The following AHCTF1 variants were observed in gnomAD, a reference collection of about 807,000 sequenced individuals.
AHCTF1 encodes protein ELYS.
A neutral mutation model predicts 248.4 loss-of-function variants in AHCTF1; 24 were observed. The ratio of observed to expected loss-of-function variants is 0.10; its 90% CI spans 0.07 to 0.14. The LOEUF is 0.14. Ranked by LOEUF, AHCTF1 falls within the 10% of genes least tolerant of loss-of-function variation. AHCTF1 has a pLI of 1.00. For synonymous variants in AHCTF1, 786 were observed against 929.8 expected (o/e 0.85, Z 2.81); for missense variants, 2,206 against 2,636.2 (o/e 0.84, Z 3.57).
chr1:246,855,613 A>C, intron 31 of AHCTF1, 117 bp downstream of exon 31: 1 of 748,146 alleles, frequency 1.3e-6, no homozygotes. Flanking sequence ...AGAGAGAGGA[A>C]TAACTGAGGA....
intron 1 of AHCTF1, among the ~76,000 whole-genome samples, chr1:246,923,187 G>A (rs1666697765): frequency 6.6e-6 from 1 of 151,050 alleles, no homozygotes; most frequent in Non-Finnish European, 1.5e-5. Flanking sequence ...GGCCGAGGTG[G>A]GCAGATCACC....
At chr1:246,915,353 C>T (rs550358275) in intron 3 of AHCTF1, among the ~76,000 whole-genome samples, 3 of 151,980 alleles carry the variant, frequency 2.0e-5, no homozygotes, top group South Asian at 2.1e-4. Context: ...ATTACTTCAC[C>T]GTTGATTTCA....
At chr1:246,894,602 C>T in intron 14 of AHCTF1, 57 bp downstream of exon 14, 1 of 1,357,254 alleles carries the variant, frequency 7.4e-7, no homozygotes, top group South Asian at 1.2e-5. Flanking sequence ...AAGACATAAA[C>T]CAAGGTTAGT....
intron 1 of AHCTF1, among the ~76,000 whole-genome samples, chr1:246,927,978 G>A (rs10924868): frequency 0.21 from 31,646 of 151,748 alleles, 3,529 homozygotes; most frequent in East Asian, 0.31. Flanking sequence ...CCAGCCTGGC[G>A]ACAGAGCAAG....
chr1:246,910,292 G>C (rs764058879), intron 4 of AHCTF1, among the ~76,000 whole-genome samples: 2 of 152,216 alleles, frequency 1.3e-5, no homozygotes, highest in Non-Finnish European at 2.9e-5. Context: ...AAGGAGACTT[G>C]AGACTTAACT....
At chr1:246,901,772 C>T (rs1041693247) in intron 8 of AHCTF1, among the ~76,000 whole-genome samples, 23 of 152,116 alleles carry the variant, frequency 1.5e-4, no homozygotes, top group African/African-American at 5.6e-4. Context: ...CAGCCAAGAT[C>T]ATGCCACCAC....
Position 246,849,884 on chromosome 1 carries a change from A to C in AHCTF1, c.6122T>G (p.Val2041Gly), listed in dbSNP as rs753642595. 3 of 1,613,904 alleles carry C rather than the reference A, an allele frequency of 1.9e-6. No individual in the cohort carries two copies. The highest frequency in any genetic ancestry group is 2.5e-6 in the Non-Finnish European group (3 of 1,179,856). The change falls in exon 33 of 36, where the codon GTG becomes GGG. Residue 2041 changes from valine to glycine, a missense_variant. Physicochemically the swap from Val to Gly is moderately radical, Grantham distance 109. This residue lies in a region of AHCTF1 where 469 missense variants were observed against 470.0 expected (regional missense o/e 1.00). Transcript: ENST00000648844. ...TGTAAGTTTTTTCTTAGAGCTCATC[A>C]CCATCGAAAGTTCCTCGTTTGGCAC... ...ILVPNEELSM[V>G]MSSKKKLTKK...
intron 7 of AHCTF1, among the ~76,000 whole-genome samples, chr1:246,902,900 TATTTAAC>T (rs1000234055): frequency 6.6e-6 from 1 of 152,212 alleles, no homozygotes; most frequent in African/African-American, 2.4e-5. Context: ...CTTCTAAAGT[TATTTAAC>T]ACAGAAGCCC....
intron 29 of AHCTF1, 56 bp downstream of exon 29, chr1:246,860,843 A>T: frequency 6.4e-7 from 1 of 1,557,990 alleles, no homozygotes; most frequent in East Asian, 2.3e-5. Flanking sequence ...ATTCTATTAT[A>T]AACTTTATTG....
In AHCTF1 at chr1:246,900,485, A is replaced by C. The variant is rs369839183; in HGVS notation, c.1118-16T>G. The C allele has an allele frequency of 5.7e-6, 9 of 1,580,050 alleles. No homozygotes were observed. In the African/African-American group the frequency reaches 1.2e-4, roughly 22 times the overall value. On this transcript the variant is annotated splice_polypyrimidine_tract_variant and intron_variant, in intron 8 of 35. Transcript: ENST00000648844. ...GGCGATAGAGCTGGAAGAAAAAGATAATTTTTAAAAACAGAATAAAGAATC... is the reference window on the plus strand; with the variant it reads ...GGCGATAGAGCTGGAAGAAAAAGATCATTTTTAAAAACAGAATAAAGAATC...
intron 3 of AHCTF1, 105 bp from the exon 4 acceptor site, chr1:246,913,517 G>A: frequency 1.8e-6 from 2 of 1,099,038 alleles, no homozygotes; most frequent in Non-Finnish European, 2.5e-6. Flanking sequence ...ATAGATTTAA[G>A]ACTATAGAGT....
In AHCTF1 at chr1:246,890,979, G is replaced by A; in HGVS notation, c.2027C>T (p.Ser676Phe). Reference sequence around the variant, plus strand: ...ACCTATGCCTTCTGGTAAAAGCCCAGAATGAGAGAACCAAAGAACCACTTG... The same window carrying A: ...ACCTATGCCTTCTGGTAAAAGCCCAAAATGAGAGAACCAAAGAACCACTTG... ...YAQVVLWFSHSGLLPEGIDDS... is the reference protein window; with the variant it reads ...YAQVVLWFSHFGLLPEGIDDS... Residue 676 changes from serine (S) to phenylalanine (F), a missense_variant, in exon 16 of 36, where the codon TCT becomes TTT. By Grantham distance (155) the Ser-to-Phe change is radical. This residue lies in a region of AHCTF1 where 650 missense variants were observed against 870.8 expected (regional missense o/e 0.75). Coordinates refer to ENST00000648844, the MANE Select transcript of AHCTF1 (RefSeq NM_001323342.2). 1 of 1,544,210 alleles carries A rather than the reference G, an allele frequency of 6.5e-7. No homozygotes were observed. The highest frequency in any genetic ancestry group is 8.7e-7 in the Non-Finnish European group (1 of 1,152,320).
chr1:246,888,132 A>T lies in AHCTF1; in HGVS notation c.2325+45T>A, dbSNP rs781481823. 32 of 1,584,776 alleles carry T rather than the reference A, an allele frequency of 2.0e-5. No homozygotes were observed. The Middle Eastern group carries it at 5.1e-4, about 25-fold the overall frequency. On this transcript the variant is annotated intron_variant, in intron 19 of 35. Transcript: ENST00000648844. ...GTTTCCACTACTCTTGAAATTTTAT[A>T]ATTTTAGTAATACATGAAACACTGG...
intron 24 of AHCTF1, among the ~76,000 whole-genome samples, chr1:246,869,538 T>C (rs140260985): frequency 4.3e-4 from 66 of 152,302 alleles, no homozygotes; most frequent in African/African-American, 1.5e-3. Context: ...GTGGTTAATG[T>C]AGCTGATGAC....
intron 24 of AHCTF1, 93 bp downstream of exon 24, chr1:246,875,944 A>T (rs1341785753): frequency 4.8e-6 from 6 of 1,255,036 alleles, no homozygotes; most frequent in Non-Finnish European, 4.4e-6. Context: ...TGTGTTAGCG[A>T]AAGTAGCTAA....
rs1203497137 is a variant in AHCTF1 at position 246,839,671 on chromosome 1, TA to T, written c.*1134del. 1 of 603,698 alleles carries T rather than the reference TA, an allele frequency of 1.7e-6. No homozygotes were observed. Among genetic ancestry groups the T allele is most frequent in the African/African-American group, 2.0e-5 (1 of 49,658 alleles). 37.4% of individuals were successfully genotyped at this position (603,698 alleles called of 1,614,324 possible). A position where few individuals can be genotyped will look rare whatever the true frequency, so the allele number is the denominator to read the frequency against. ...CTGCATATGCTTCACATTAAAATAT[TA>T]AAAGCCCACGAAAGCAGTTCGTTTC... On this transcript the variant is annotated 3_prime_UTR_variant, in exon 36 of 36. Transcript: ENST00000648844.
chr1:246,921,953 C>T (rs753384522), intron 1 of AHCTF1, among the ~76,000 whole-genome samples: 2 of 152,212 alleles, frequency 1.3e-5, no homozygotes, highest in African/African-American at 2.4e-5. Context: ...ACTGACTACA[C>T]AACAATAATA....
chr1:246,877,314 A>T lies in AHCTF1; in HGVS notation c.2661-12T>A, dbSNP rs755159572. 41 of 1,550,428 alleles carry T rather than the reference A, an allele frequency of 2.6e-5. No homozygotes were observed. The highest frequency in any genetic ancestry group is 3.4e-5 in the Non-Finnish European group (39 of 1,152,662). ...CTTCAACCATACACCTGAAAGCAGT[A>T]TTTATCAAAGTTTAGTTTTAGAAAA... On this transcript the variant is annotated splice_polypyrimidine_tract_variant and intron_variant, in intron 21 of 35. Coordinates refer to ENST00000648844, the MANE Select transcript of AHCTF1 (RefSeq NM_001323342.2).
chr1:246,861,382 ACTTT>A lies in AHCTF1; in HGVS notation c.3736-91_3736-88del, dbSNP rs1661539597. ...AGCTACCCATCCCAATCATACCCATACTTTCTTTGTTGTTTTTACCCAAATTCTC... is the reference window on the plus strand; with the variant it reads ...AGCTACCCATCCCAATCATACCCATACTTTGTTGTTTTTACCCAAATTCTC... On this transcript the variant is annotated intron_variant, in intron 28 of 35. Coordinates refer to ENST00000648844, the MANE Select transcript of AHCTF1 (RefSeq NM_001323342.2). 5.8e-6 allele frequency: 7 copies of A among 1,214,918 alleles called. No homozygotes were observed. The East Asian group carries it at 7.7e-5, about 13-fold the overall frequency. 75.3% of individuals were successfully genotyped at this position (1,214,918 alleles called of 1,614,324 possible). A position where few individuals can be genotyped will look rare whatever the true frequency, so the allele number is the denominator to read the frequency against.
Sources: gnomAD v4.1 joint callset for allele counts (sites outside exome capture counted in the v4.1 genomes callset) on GRCh38, gnomAD v4.1.1 for gene constraint, gnomAD v4.1.1 regional missense constraint, MANE v1.5 for transcripts, NCBI Gene and HGNC (gene_info 2026-07-23, HGNC 2026-07-21) for gene names.